Variants in UPF3B observed in about 807,000 individuals in gnomAD.
UPF3B encodes the protein UPF3B regulator of nonsense mediated mRNA decay.
In UPF3B, 7 loss-of-function variants were observed where a neutral mutation model predicts 40.3. That is an observed-to-expected ratio of 0.17 (90% CI 0.10 to 0.33). UPF3B has a LOEUF of 0.33. Ranked by LOEUF, UPF3B falls within the 10% of genes least tolerant of loss-of-function variation. The pLI is 1.00. For synonymous variants in UPF3B, 117 were observed against 117.3 expected (o/e 1.00, Z 0.01); for missense variants, 229 against 358.9 (o/e 0.64, Z 2.93).
At position 119,834,649 on chromosome X, in the gene UPF3B, A is replaced by G. The variant is rs1166269278; in HGVS notation, c.*229T>C. 2 of 1,063,466 alleles carry G rather than the reference A, an allele frequency of 1.9e-6. No homozygotes were observed. The highest frequency in any genetic ancestry group is 2.4e-6 in the Non-Finnish European group (2 of 828,260). The allele number at this position is 1,063,466 out of a possible 1,213,427, so 87.6% of individuals were successfully genotyped here. ...GTCCTTGCCGTCACCTTTTTCTGAC[A>G]CTTTAAAATTAATTTGTAGAAATTG... On this transcript the variant is annotated 3_prime_UTR_variant, in exon 11 of 11. Coordinates refer to ENST00000276201, the MANE Select transcript of UPF3B (RefSeq NM_080632.3).
intron 4 of UPF3B, among the ~76,000 whole-genome samples, chrX:119,816,951 ATTTTAT>A (rs1049170819): frequency 6.3e-5 from 7 of 111,239 alleles, no homozygotes; most frequent in Non-Finnish European, 1.1e-4. Flanking sequence ...TAATTATTTT[ATTTTAT>A]TTTTATTTAT....
intron 3 of UPF3B, among the ~76,000 whole-genome samples, chrX:119,823,724 C>T (rs61033195): frequency 0.019 from 2,088 of 109,247 alleles, 53 homozygotes; most frequent in African/African-American, 0.066. Flanking sequence ...CCACCATGCC[C>T]GGCTAATTTT....
At chrX:119,836,303 T>C (rs898975484) in intron 10 of UPF3B, among the ~76,000 whole-genome samples, 20 of 111,012 alleles carry the variant, frequency 1.8e-4, no homozygotes, top group African/African-American at 6.5e-4. Context: ...TGTGGTGAGC[T>C]GAGATCATGC....
At chrX:119,805,641 G>GA (rs373635416) in intron 6 of UPF3B, among the ~76,000 whole-genome samples, 5,602 of 111,170 alleles carry the variant, frequency 0.05, 322 homozygotes, top group African/African-American at 0.17. Flanking sequence ...AAATTTACAA[G>GA]AAAAAACAAC....
At chrX:119,837,224 TG>T (rs751301006) in intron 10 of UPF3B, among the ~76,000 whole-genome samples, 1 of 108,762 alleles carries the variant, frequency 9.2e-6, no homozygotes, top group Non-Finnish European at 1.9e-5. Context: ...GGATTACAGG[TG>T]TGAGCCACTG....
At position 119,818,880 on chromosome X, in the gene UPF3B, G is replaced by A. The variant is rs761420705; in HGVS notation, c.495-3573C>T. On this transcript the variant is annotated intron_variant, in intron 4 of 6. Coordinates refer to the UPF3B transcript ENST00000636792. ...CGGGAGGTGATACGTGGCTTTCCCAGTATGACTCTGAAGACAAAGCAATAT... is the reference window on the plus strand; with the variant it reads ...CGGGAGGTGATACGTGGCTTTCCCAATATGACTCTGAAGACAAAGCAATAT... Among the ~76,000 whole-genome samples the A allele has an allele frequency of 2.7e-5, 3 of 110,985 alleles. No homozygotes were observed. The East Asian group carries it at 8.5e-4, about 31-fold the overall frequency.
At chrX:119,842,580 TCACACACACACACACACACACACATACA>T (rs1260252582) in intron 5 of UPF3B, among the ~76,000 whole-genome samples, 1 of 71,459 alleles carries the variant, frequency 1.4e-5, no homozygotes, top group Non-Finnish European at 2.6e-5. Context: ...ACTCCATCTC[TCACACACACACACACACACACACATACA>T]CACACACACA....
intron 3 of UPF3B, among the ~76,000 whole-genome samples, chrX:119,828,039 T>C (rs2055998095): frequency 9.2e-6 from 1 of 108,435 alleles, no homozygotes; most frequent in South Asian, 4.0e-4. Context: ...CGACCTTTTT[T>C]TTTTTTCTTT....
At chrX:119,837,344 G>A (rs902874472) in intron 10 of UPF3B, among the ~76,000 whole-genome samples, 2 of 109,505 alleles carry the variant, frequency 1.8e-5, no homozygotes, top group African/African-American at 6.6e-5. Flanking sequence ...GGTCAGGCGT[G>A]GTGGCTCACG....
chrX:119,840,942 G>T, intron 7 of UPF3B, 134 bp downstream of exon 7: 1 of 697,202 alleles, frequency 1.4e-6, no homozygotes, highest in Non-Finnish European at 2.1e-6. Flanking sequence ...GATTTTTATT[G>T]GATCACTTCC....
At chrX:119,808,978 A>G (rs1268662686) in intron 5 of UPF3B, among the ~76,000 whole-genome samples, 3 of 112,257 alleles carry the variant, frequency 2.7e-5, no homozygotes, top group African/African-American at 9.7e-5. Flanking sequence ...ATGTATCTCA[A>G]TTTCTTTCAC....
At chrX:119,810,405 G>A (rs933678069) in intron 5 of UPF3B, among the ~76,000 whole-genome samples, 4 of 112,104 alleles carry the variant, frequency 3.6e-5, no homozygotes, top group African/African-American at 1.3e-4. Context: ...GTGAAATGTG[G>A]CTTTCCAACT....
At chrX:119,819,403 A>G (rs2055892652) in intron 4 of UPF3B, among the ~76,000 whole-genome samples, 1 of 110,861 alleles carries the variant, frequency 9.0e-6, no homozygotes, top group African/African-American at 3.3e-5. Context: ...TTTAGCAGCA[A>G]AATGCCCAGG....
chrX:119,842,580 T>TCTCTCACACACA (rs1556379941), intron 5 of UPF3B, among the ~76,000 whole-genome samples: 29 of 71,466 alleles, frequency 4.1e-4, no homozygotes, highest in African/African-American at 1.7e-3. Context: ...ACTCCATCTC[T>TCTCTCACACACA]CACACACACA....
At chrX:119,822,585 T>C (rs1341664163) in intron 4 of UPF3B, among the ~76,000 whole-genome samples, 1 of 112,044 alleles carries the variant, frequency 8.9e-6, no homozygotes, top group Non-Finnish European at 1.9e-5. Flanking sequence ...ACTCTTCTGC[T>C]GCGTACTCCT....
At chrX:119,814,859 CTTTTTTTTT>C (rs140201169) in intron 5 of UPF3B, among the ~76,000 whole-genome samples, 3 of 46,263 alleles carry the variant, frequency 6.5e-5, no homozygotes, top group Non-Finnish European at 7.7e-5. Flanking sequence ...TTCTTTCTTT[CTTTTTTTTT>C]TTTTTTTTTT....
chrX:119,849,876 A>T (rs763767948), intron 3 of UPF3B, among the ~76,000 whole-genome samples: 2 of 110,490 alleles, frequency 1.8e-5, no homozygotes, highest in East Asian at 2.8e-4. Context: ...ACAAGATATT[A>T]AAAAAAAACA....
At chrX:119,811,108 C>T (rs1484555895) in intron 5 of UPF3B, among the ~76,000 whole-genome samples, 4 of 109,361 alleles carry the variant, frequency 3.7e-5, no homozygotes, top group South Asian at 4.0e-4. Flanking sequence ...ACGTGATCTC[C>T]GCTCACTGCA....
downstream of UPF3B, among the ~76,000 whole-genome samples, chrX:119,830,355 T>C (rs777427981): frequency 2.7e-5 from 3 of 110,646 alleles, no homozygotes; most frequent in Admixed American, 9.7e-5. Context: ...GTCCTCTCCA[T>C]AGTGAGTTCT....
Sources: gnomAD v4.1 joint callset for allele counts (sites outside exome capture counted in the v4.1 genomes callset) on GRCh38, gnomAD v4.1.1 for gene constraint, MANE v1.5 for transcripts, NCBI Gene and HGNC (gene_info 2026-07-23, HGNC 2026-07-21) for gene names.